Variants in NR2C2 observed in about 807,000 individuals in gnomAD.
NR2C2 encodes Nuclear hormone receptor TR4.
A neutral mutation model predicts 62.9 loss-of-function variants in NR2C2; 6 were observed. The ratio of observed to expected loss-of-function variants is 0.10; its 90% confidence interval spans 0.05 to 0.19. The LOEUF (loss-of-function observed/expected upper bound fraction) is 0.19. Among genes scored for constraint, NR2C2 ranks in the 10% least tolerant of loss-of-function variants. The probability of loss-of-function intolerance (pLI) is 1.00; values close to 1 mark genes in which losing one functional copy is unlikely to be tolerated. For missense variants in NR2C2, 479 were observed against 762.7 expected (o/e 0.63, Z 4.38); for synonymous variants, 272 against 273.8 (o/e 0.99, Z 0.07).
intron 13 of NR2C2, among the ~76,000 whole-genome samples, chr3:15,041,320 C>G (rs2042258085): frequency 6.6e-6 from 1 of 152,128 alleles, no homozygotes; most frequent in African/African-American, 2.4e-5. Flanking sequence ...TGTATCTCTG[C>G]TGATAGAAAT....
chr3:14,996,815 G>A (rs2040846864), intron 1 of NR2C2, among the ~76,000 whole-genome samples: 1 of 152,160 alleles, frequency 6.6e-6, no homozygotes, highest in Non-Finnish European at 1.5e-5. Flanking sequence ...GCCCGCCTCG[G>A]CCTCCCAAAA....
At chr3:15,040,251 T>A (rs941276119) in intron 13 of NR2C2, among the ~76,000 whole-genome samples, 1 of 152,178 alleles carries the variant, frequency 6.6e-6, no homozygotes, top group Admixed American at 6.5e-5. Context: ...TCAGAATGCA[T>A]TGGCAGGCTT....
chr3:15,001,318 G>GTTTTTTTTTTTTTTTTTTTTTTGGGTT (rs61017075), intron 1 of NR2C2, among the ~76,000 whole-genome samples: 1 of 97,484 alleles, frequency 1.0e-5, no homozygotes, highest in Non-Finnish European at 2.1e-5. Context: ...TTTGTTTTGG[G>GTTTTTTTTTTTTTTTTTTTTTTGGGTT]TTTTTTTTTT....
chr3:14,991,753 T>C (rs1257543503), intron 1 of NR2C2, among the ~76,000 whole-genome samples: 1 of 150,558 alleles, frequency 6.6e-6, no homozygotes, highest in African/African-American at 2.5e-5. Flanking sequence ...TTTTTTCTTT[T>C]TTTTTTTTCT....
chr3:15,029,475 C>G (rs1261854194), intron 8 of NR2C2, among the ~76,000 whole-genome samples: 1 of 152,148 alleles, frequency 6.6e-6, no homozygotes, highest in Non-Finnish European at 1.5e-5. Context: ...CCTTTGTTCA[C>G]TTGTGGTCTG....
At chr3:14,976,029 C>T (rs2040194058) in intron 1 of NR2C2, among the ~76,000 whole-genome samples, 2 of 152,134 alleles carry the variant, frequency 1.3e-5, no homozygotes, top group Admixed American at 1.3e-4. Context: ...CCACCTCCAC[C>T]TTCCAAAGTG....
At chr3:14,954,078 A>G (rs778845101) in intron 1 of NR2C2, among the ~76,000 whole-genome samples, 25 of 152,234 alleles carry the variant, frequency 1.6e-4, no homozygotes, top group Non-Finnish European at 3.7e-4. Flanking sequence ...TCCCACCACT[A>G]TGGTGTCTGT....
chr3:15,027,768 T>G (rs1395444595), intron 7 of NR2C2, among the ~76,000 whole-genome samples: 1 of 152,110 alleles, frequency 6.6e-6, no homozygotes, highest in Admixed American at 6.5e-5. Flanking sequence ...TGGCTAATTT[T>G]TTTACTTTTT....
At chr3:14,959,342 C>CT (rs960230099) in intron 1 of NR2C2, 33 of 152,164 alleles carry the variant, frequency 2.2e-4, no homozygotes, top group African/African-American at 7.0e-4. Flanking sequence ...CTTTGTCTTC[C>CT]TTTTTTATAT....
chr3:14,967,853 T>C (rs564199584), intron 1 of NR2C2, among the ~76,000 whole-genome samples: 163 of 152,280 alleles, frequency 1.1e-3, no homozygotes, highest in Non-Finnish European at 1.7e-3. Context: ...AACTATCTTA[T>C]CTTTGACAAA....
At chr3:14,998,373 A>G (rs553759874) in intron 1 of NR2C2, among the ~76,000 whole-genome samples, 4 of 152,344 alleles carry the variant, frequency 2.6e-5, no homozygotes, top group South Asian at 2.1e-4. Context: ...GTACCATTCT[A>G]CATTACTACC....
Position 15,046,288 on chromosome 3 carries a change from T to C in NR2C2, c.*3280T>C, listed in dbSNP as rs764048055. 2.0e-5 allele frequency: 3 copies of C among 152,206 alleles called. No individual in the cohort carries two copies. The highest frequency in any genetic ancestry group is 4.4e-5 in the Non-Finnish European group (3 of 68,032). The allele number at this position is 152,206 out of a possible 1,614,324, so 9.4% of individuals were successfully genotyped here. ...AGAGGGACTGATTTTTAGCTTGTCA[T>C]TGTCAGTATTGAATGTGGACTCTTC... On this transcript the variant is annotated 3_prime_UTR_variant, in exon 14 of 14. Coordinates refer to ENST00000425241, the MANE Select transcript of NR2C2 (RefSeq NM_001291694.2).
chr3:15,009,808 G>A lies in NR2C2; in HGVS notation c.73-3781G>A, dbSNP rs376018473. On this transcript the variant is annotated intron_variant, in intron 2 of 13. Transcript: ENST00000425241. Reference sequence around the variant, plus strand: ...AGTCTGAAATCAAGGTGTCAGCAGGGCCATGCTCTCTTAAGGTTCTAGGAG... The same window carrying A: ...AGTCTGAAATCAAGGTGTCAGCAGGACCATGCTCTCTTAAGGTTCTAGGAG... Among the ~76,000 whole-genome samples, 20 of 152,244 alleles carry A rather than the reference G, an allele frequency of 1.3e-4. No homozygotes were observed. In the East Asian group the frequency reaches 2.7e-3, roughly 21 times the overall value.
chr3:15,019,814 G>A (rs1026839113), intron 4 of NR2C2, among the ~76,000 whole-genome samples: 1 of 152,156 alleles, frequency 6.6e-6, no homozygotes, highest in Admixed American at 6.5e-5. Flanking sequence ...TTACAGTTAA[G>A]TAGTAGGAAC....
chr3:14,999,645 C>T (rs865977056), intron 1 of NR2C2, among the ~76,000 whole-genome samples: 1 of 151,634 alleles, frequency 6.6e-6, no homozygotes, highest in Non-Finnish European at 1.5e-5. Context: ...TTAACTCTTA[C>T]ATTTAGATCT....
chr3:15,023,422 C>T, intron 6 of NR2C2, 75 bp downstream of exon 6: 1 of 1,531,130 alleles, frequency 6.5e-7, no homozygotes, highest in Non-Finnish European at 8.9e-7. Flanking sequence ...ACAGCAGGCA[C>T]TGTTGTGGCT....
At chr3:15,031,440 A>C (rs1216365813) in intron 9 of NR2C2, among the ~76,000 whole-genome samples, 1 of 151,804 alleles carries the variant, frequency 6.6e-6, no homozygotes, top group African/African-American at 2.4e-5. Flanking sequence ...TGTAACCTCA[A>C]ACTCCTGGTC....
rs150235701 is a variant in NR2C2, at chr3:15,023,213, A to G, written c.570A>G (p.Glu190=). The change falls in exon 6 of 14, where the codon GAA becomes GAG. Residue 190 remains glutamate, a synonymous_variant. Coordinates refer to ENST00000425241, the MANE Select transcript of NR2C2 (RefSeq NM_001291694.2). The part of the protein sequence containing the change: ...MGMKMESVQS[E]RKPFDVQREK... ...TTGTGATTTAAGCTGTGCAGAGTGA[A>G]CGGAAGCCCTTCGATGTGCAACGGG... 1 of 1,614,104 alleles carries G rather than the reference A, an allele frequency of 6.2e-7. No individual in the cohort carries two copies. Among genetic ancestry groups the G allele is most frequent in the African/African-American group, 1.3e-5 (1 of 74,954 alleles).
chr3:15,041,741 C>T (rs1439572561), intron 13 of NR2C2, among the ~76,000 whole-genome samples: 1 of 151,986 alleles, frequency 6.6e-6, no homozygotes, highest in Non-Finnish European at 1.5e-5. Flanking sequence ...CCTGTAGTCC[C>T]AGTTACTCAG....
Sources: gnomAD v4.1 joint callset for allele counts (sites outside exome capture counted in the v4.1 genomes callset) on GRCh38, gnomAD v4.1.1 for gene constraint, MANE v1.5 for transcripts, NCBI Gene and HGNC (gene_info 2026-07-23, HGNC 2026-07-21) for gene names.